Variants in CSMD1 observed in about 807,000 individuals in gnomAD.
CSMD1 encodes CUB and Sushi multiple domains 1.
Under a neutral mutation model 417.5 loss-of-function variants are expected in CSMD1, and 213 were observed. The observed-to-expected ratio is 0.51, with a 90% CI of 0.46 to 0.57. The LOEUF (loss-of-function observed/expected upper bound fraction) is 0.57, where lower values mean the gene tolerates loss of function less well. CSMD1 is among the 20% of genes least tolerant of loss of function. The pLI, the probability that CSMD1 is intolerant of heterozygous loss-of-function variation, is 0.00. For missense variants in CSMD1, 6,923 were observed against 4,529.7 expected (o/e 1.53, Z -15.17); for synonymous variants, 2,862 against 1,736.8 (o/e 1.65, Z -16.11).
chr8:3,454,160 G>A (rs977822626), intron 12 of CSMD1, among the ~76,000 whole-genome samples: 1 of 151,942 alleles, frequency 6.6e-6, no homozygotes, highest in Non-Finnish European at 1.5e-5. Context: ...TTTTCCATTT[G>A]CTTGGTAGAT....
intron 5 of CSMD1, among the ~76,000 whole-genome samples, chr8:3,987,813 A>T (rs144716563): frequency 6.6e-6 from 1 of 152,178 alleles, no homozygotes; most frequent in Non-Finnish European, 1.5e-5. Context: ...CCTTATCCAA[A>T]CCCATAGTTC....
chr8:3,454,399 T>G (rs1815965780), intron 12 of CSMD1, among the ~76,000 whole-genome samples: 1 of 152,222 alleles, frequency 6.6e-6, no homozygotes, highest in Non-Finnish European at 1.5e-5. Context: ...GGCAGTTTCT[T>G]CCTAGCATCA....
chr8:4,092,361 C>T (rs1427472528), intron 3 of CSMD1, among the ~76,000 whole-genome samples: 1 of 152,172 alleles, frequency 6.6e-6, no homozygotes, highest in Non-Finnish European at 1.5e-5. Context: ...CGTGACACTT[C>T]AGCCACCAGG....
At chr8:3,859,594 C>T (rs755855151) in intron 5 of CSMD1, among the ~76,000 whole-genome samples, 2 of 152,056 alleles carry the variant, frequency 1.3e-5, no homozygotes, top group Non-Finnish European at 2.9e-5. Flanking sequence ...GCCAGAAAGA[C>T]CAACCATGTT....
chr8:3,940,525 G>C (rs1457328455), intron 5 of CSMD1, among the ~76,000 whole-genome samples: 2 of 146,598 alleles, frequency 1.4e-5, no homozygotes, highest in Non-Finnish European at 3.0e-5. Context: ...GTGTGTGTGT[G>C]TGTGTGTGTG....
At chr8:3,587,831 A>C (rs1800671360) in intron 8 of CSMD1, among the ~76,000 whole-genome samples, 1 of 152,160 alleles carries the variant, frequency 6.6e-6, no homozygotes, top group African/African-American at 2.4e-5. Context: ...CTGTCTAGGA[A>C]GTTCTTTTTT....
At chr8:3,388,369 GA>G (rs1463419832) in intron 17 of CSMD1, among the ~76,000 whole-genome samples, 2 of 150,934 alleles carry the variant, frequency 1.3e-5, no homozygotes, top group African/African-American at 4.8e-5. Flanking sequence ...TCTCTTTTTA[GA>G]AAAACATATA....
intron 3 of CSMD1, among the ~76,000 whole-genome samples, chr8:4,326,569 A>C (rs961255282): frequency 1.1e-4 from 17 of 152,246 alleles, no homozygotes; most frequent in African/African-American, 4.1e-4. Context: ...TGAACGTTAG[A>C]AGCAATTCCA....
chr8:4,076,368 AC>A (rs1585260604), intron 3 of CSMD1, among the ~76,000 whole-genome samples: 1 of 152,166 alleles, frequency 6.6e-6, no homozygotes, highest in African/African-American at 2.4e-5. Flanking sequence ...TTTAAAAGTT[AC>A]CCTGTCTGAG....
chr8:3,633,984 T>C (rs1284997154), intron 7 of CSMD1, among the ~76,000 whole-genome samples: 3 of 151,690 alleles, frequency 2.0e-5, no homozygotes, highest in Non-Finnish European at 4.4e-5. Context: ...TGAATATGCA[T>C]GACCCTTATA....
intron 3 of CSMD1, among the ~76,000 whole-genome samples, chr8:4,064,149 T>G (rs1381170961): frequency 2.0e-5 from 3 of 152,156 alleles, no homozygotes; most frequent in Admixed American, 2.0e-4. Flanking sequence ...GATGTAAAGT[T>G]CAAAAGTTTG....
chr8:3,695,102 G>A (rs192411543), intron 7 of CSMD1, among the ~76,000 whole-genome samples: 2,952 of 151,760 alleles, frequency 0.019, 93 homozygotes, highest in African/African-American at 0.064. Context: ...GTGTGTGTGT[G>A]TGTGTGTGTG....
intron 18 of CSMD1, among the ~76,000 whole-genome samples, chr8:3,379,416 C>T (rs893174343): frequency 6.6e-6 from 1 of 152,090 alleles, no homozygotes; most frequent in Non-Finnish European, 1.5e-5. Flanking sequence ...TCATATGGAA[C>T]CAAAAAAGAG....
intron 49 of CSMD1, among the ~76,000 whole-genome samples, chr8:3,056,164 T>A (rs776793882): frequency 1.3e-5 from 2 of 152,242 alleles, no homozygotes; most frequent in Non-Finnish European, 2.9e-5. Flanking sequence ...AAGAGTAAGT[T>A]GGTAGGTAGT....
intron 41 of CSMD1, among the ~76,000 whole-genome samples, chr8:3,131,574 C>A (rs1371298289): frequency 6.6e-6 from 1 of 151,322 alleles, no homozygotes; most frequent in African/African-American, 2.4e-5. Flanking sequence ...TGGGTTCAAG[C>A]AATTCTCCTG....
At chr8:3,663,051 T>A (rs914889101) in intron 7 of CSMD1, among the ~76,000 whole-genome samples, 1 of 151,980 alleles carries the variant, frequency 6.6e-6, no homozygotes, top group East Asian at 1.9e-4. Flanking sequence ...GCAGTGGGAA[T>A]AAAGGAAAAT....
At chr8:3,963,801 A>G (rs1178835428) in intron 5 of CSMD1, among the ~76,000 whole-genome samples, 1 of 152,216 alleles carries the variant, frequency 6.6e-6, no homozygotes, top group Non-Finnish European at 1.5e-5. Context: ...CAGAAACTTA[A>G]TATTTTGAAA....
chr8:4,244,627 C>G (rs1003079884), intron 3 of CSMD1, among the ~76,000 whole-genome samples: 3 of 151,750 alleles, frequency 2.0e-5, no homozygotes, highest in Admixed American at 1.3e-4. Context: ...CTGAACATGA[C>G]AAATTTCTTC....
At chr8:3,340,218 TA>T (rs1807557315) in intron 23 of CSMD1, among the ~76,000 whole-genome samples, 1 of 152,188 alleles carries the variant, frequency 6.6e-6, no homozygotes, top group Non-Finnish European at 1.5e-5. Context: ...AGCAAATTAC[TA>T]AAATATCTGA....
Sources: allele counts gnomAD v4.1 joint callset (sites outside exome capture counted in the v4.1 genomes callset), GRCh38; gene constraint gnomAD v4.1.1; transcripts MANE v1.5; gene names NCBI Gene and HGNC (gene_info 2026-07-23, HGNC 2026-07-21).